DEPDC5: variants seen among roughly 807,000 people sequenced by gnomAD.
The protein encoded by DEPDC5 is GATOR1 complex protein DEPDC5.
In DEPDC5, 73 loss-of-function variants were observed where a neutral mutation model predicts 217.3. The observed-to-expected ratio is 0.34, with a 90% confidence interval of 0.28 to 0.41. DEPDC5 has a LOEUF of 0.41. Among genes scored for constraint, DEPDC5 ranks in the 10% least tolerant of loss-of-function variants. The pLI is 1.00. For missense variants in DEPDC5, 1,675 were observed against 2,070.1 expected (o/e 0.81, Z 3.70); for synonymous variants, 733 against 756.7 (o/e 0.97, Z 0.51).
rs371442017 is a variant in DEPDC5 at position 31,843,198 on chromosome 22, G to A, written c.2619G>A (p.Thr873=). Residue 873 remains threonine, a synonymous_variant, in exon 28 of 43, where the codon ACG becomes ACA. Coordinates refer to ENST00000651528, the MANE Select transcript of DEPDC5 (RefSeq NM_001242896.3). ...TGAAGGATAAGATGATCACAGTGAC[G>A]CGATACCTTCCCAAGTGAGTATTTG... is the stretch of plus-strand genomic sequence containing the variant. ...VTLKDKMITV[T]RYLPKYPYES... The A allele has an allele frequency of 1.7e-5, 27 of 1,613,704 alleles. No individual in the cohort carries two copies. Among genetic ancestry groups the A allele is most frequent in the Non-Finnish European group, 2.0e-5 (24 of 1,179,938 alleles).
chr22:31,809,972 A>G (rs961853489), intron 19 of DEPDC5, among the ~76,000 whole-genome samples: 1 of 152,000 alleles, frequency 6.6e-6, no homozygotes, highest in Non-Finnish European at 1.5e-5. Flanking sequence ...ACAGAGCAAG[A>G]CTCTGTCTCA....
intron 2 of DEPDC5, among the ~76,000 whole-genome samples, chr22:31,756,325 T>C (rs753653291): frequency 2.0e-5 from 3 of 152,214 alleles, no homozygotes; most frequent in Non-Finnish European, 2.9e-5. Flanking sequence ...AAGTGATACA[T>C]GTAATGCATT....
rs1395300934 is a variant in DEPDC5 at position 31,843,819 on chromosome 22, G to A, written c.2801+7G>A. ...CCGGCTCTGAAGACTTCAGGTCAGA[G>A]AGTGGGCTTTGGATTTCCATCTTTG... On this transcript the variant is annotated splice_region_variant and intron_variant, in intron 29 of 42. Transcript: ENST00000651528. 2 of 1,585,130 alleles carry A rather than the reference G, an allele frequency of 1.3e-6. No individual in the cohort carries two copies. The highest frequency in any genetic ancestry group is 2.7e-5 in the African/African-American group (2 of 74,456).
chr22:31,790,066 C>T (rs1457773759), intron 10 of DEPDC5, among the ~76,000 whole-genome samples: 1 of 152,166 alleles, frequency 6.6e-6, no homozygotes, highest in Non-Finnish European at 1.5e-5. Context: ...CTGTATATCA[C>T]TTGCACTAAA....
intron 8 of DEPDC5, among the ~76,000 whole-genome samples, chr22:31,779,157 A>G (rs1258281349): frequency 6.6e-6 from 1 of 152,142 alleles, no homozygotes; most frequent in Non-Finnish European, 1.5e-5. Context: ...AGACATGCCA[A>G]ATGTCCTCTG....
rs1237799719 is a variant in DEPDC5, at chr22:31,861,455, C to T, written c.3330+22C>T. 2.6e-6 allele frequency: 4 copies of T among 1,551,240 alleles called. No individual in the cohort carries two copies. In the South Asian group the frequency reaches 3.6e-5, roughly 14 times the overall value. On this transcript the variant is annotated intron_variant, in intron 33 of 42. Coordinates refer to ENST00000651528, the MANE Select transcript of DEPDC5 (RefSeq NM_001242896.3). Reference sequence around the variant, plus strand: ...TCAGGTTAGTCCAACTCCAGGGCTTCGCATGCCTGTCCCACTGGCAGACGC... The same window carrying T: ...TCAGGTTAGTCCAACTCCAGGGCTTTGCATGCCTGTCCCACTGGCAGACGC...
chr22:31,901,135 CG>C (rs1050519969), intron 40 of DEPDC5, among the ~76,000 whole-genome samples: 11 of 151,312 alleles, frequency 7.3e-5, no homozygotes, highest in African/African-American at 2.4e-4. Flanking sequence ...CCCAGCTACT[CG>C]GGAGGCTGAG....
chr22:31,815,302 G>T, intron 21 of DEPDC5, 90 bp downstream of exon 21: 2 of 1,339,840 alleles, frequency 1.5e-6, no homozygotes, highest in Non-Finnish European at 2.1e-6. Context: ...GAGGTGGGGT[G>T]TAAATCCCAC....
At chr22:31,757,673 A>G (rs539141421) in intron 2 of DEPDC5, among the ~76,000 whole-genome samples, 1 of 152,214 alleles carries the variant, frequency 6.6e-6, no homozygotes, top group Non-Finnish European at 1.5e-5. Context: ...TTCTGTCTTT[A>G]TGCTTCTGAG....
intron 33 of DEPDC5, among the ~76,000 whole-genome samples, chr22:31,869,480 G>A (rs757149368): frequency 6.6e-5 from 10 of 150,686 alleles, no homozygotes; most frequent in Non-Finnish European, 1.3e-4. Context: ...CAGGAGAATC[G>A]CTTGAACCCA....
chr22:31,832,184 A>G (rs925460319), intron 24 of DEPDC5, among the ~76,000 whole-genome samples: 3 of 152,256 alleles, frequency 2.0e-5, no homozygotes, highest in African/African-American at 7.2e-5. Flanking sequence ...TTGAAAGATA[A>G]TTGGGCTGTT....
rs1420107846 is a variant in DEPDC5, at chr22:31,893,723, C to T, written c.4175C>T (p.Ala1392Val). The T allele has an allele frequency of 1.9e-5, 30 of 1,612,550 alleles. No homozygotes were observed. The highest frequency in any genetic ancestry group is 2.5e-5 in the Non-Finnish European group (29 of 1,179,372). Residue 1392 changes from alanine (A) to valine (V), a missense_variant, in exon 39 of 43, where the codon GCG (alanine) becomes GTG (valine). Coordinates refer to ENST00000651528, the MANE Select transcript of DEPDC5 (RefSeq NM_001242896.3). ...TTTGAGATCAAGCTGCACTGGATGG[C>T]GGTGACCGCAGCAGTACTCTTCGAG... Reference protein sequence around the residue: ...AAFEIKLHWMAVTAAVLFEMV... With the variant: ...AAFEIKLHWMVVTAAVLFEMV...
At chr22:31,758,695 C>T (rs1209540613) in intron 3 of DEPDC5, 62 bp downstream of exon 3, 1 of 1,462,576 alleles carries the variant, frequency 6.8e-7, no homozygotes, top group Non-Finnish European at 9.6e-7. Context: ...ATGTCCAAGG[C>T]AGATAGCTCT....
At chr22:31,790,105 C>G (rs2085448483) in intron 10 of DEPDC5, among the ~76,000 whole-genome samples, 1 of 152,142 alleles carries the variant, frequency 6.6e-6, no homozygotes. Context: ...TTTTGGAGCT[C>G]TTGGACTCCC....
chr22:31,830,386 C>G (rs902839339), intron 24 of DEPDC5, among the ~76,000 whole-genome samples: 2 of 152,246 alleles, frequency 1.3e-5, no homozygotes, highest in African/African-American at 2.4e-5. Context: ...TGGAGCAGAG[C>G]TGGCTGACCA....
At chr22:31,765,913 C>T (rs2148118043) in intron 5 of DEPDC5, among the ~76,000 whole-genome samples, 1 of 152,252 alleles carries the variant, frequency 6.6e-6, no homozygotes, top group East Asian at 1.9e-4. Flanking sequence ...GTCCCATCTA[C>T]TCGGGAGGCT....
At chr22:31,897,353 A>G (rs2093571274) in intron 39 of DEPDC5, 129 bp from the exon 40 acceptor site, 2 of 1,240,866 alleles carry the variant, frequency 1.6e-6, no homozygotes, top group South Asian at 3.1e-5. Flanking sequence ...GCAGCCAGCA[A>G]ACATGAATAA....
intron 39 of DEPDC5, among the ~76,000 whole-genome samples, chr22:31,895,110 C>G (rs1238660767): frequency 6.8e-6 from 1 of 147,042 alleles, no homozygotes; most frequent in Non-Finnish European, 1.5e-5. Context: ...CGCCATTGCA[C>G]TCCAGCCTGG....
chr22:31,834,133 C>T (rs2090813594), intron 25 of DEPDC5, 153 bp downstream of exon 25: 2 of 790,006 alleles, frequency 2.5e-6, no homozygotes, highest in Non-Finnish European at 4.5e-6. Context: ...AGGGAGGACT[C>T]TCTGGACTCT....
Sources: gnomAD v4.1 joint callset for allele counts (sites outside exome capture counted in the v4.1 genomes callset) on GRCh38, gnomAD v4.1.1 for gene constraint, MANE v1.5 for transcripts, NCBI Gene and HGNC (gene_info 2026-07-23, HGNC 2026-07-21) for gene names.